The following CSMD1 variants were observed in gnomAD, a reference collection of about 807,000 sequenced individuals.
CSMD1 encodes CUB and Sushi multiple domains 1.
Under a neutral mutation model 417.5 loss-of-function variants are expected in CSMD1, and 213 were observed. That is an observed-to-expected ratio of 0.51 (90% CI 0.46 to 0.57). The LOEUF (loss-of-function observed/expected upper bound fraction) is 0.57. Among genes scored for constraint, CSMD1 ranks in the 20% least tolerant of loss-of-function variants. CSMD1 has a pLI of 0.00. For missense variants in CSMD1, 6,923 were observed against 4,529.7 expected, an observed-to-expected ratio of 1.53 and a Z score of -15.17; for synonymous variants, 2,862 against 1,736.8, an observed-to-expected ratio of 1.65 and a Z score of -16.11.
intron 7 of CSMD1, among the ~76,000 whole-genome samples, chr8:3,671,971 A>G (rs747166106): frequency 4.1e-4 from 62 of 152,246 alleles, no homozygotes; most frequent in Non-Finnish European, 4.7e-4. Flanking sequence ...TTTAGTTTCG[A>G]TATGTTGCAA....
At chr8:3,303,182 G>A (rs1047621616) in intron 25 of CSMD1, among the ~76,000 whole-genome samples, 2 of 152,184 alleles carry the variant, frequency 1.3e-5, no homozygotes, top group African/African-American at 4.8e-5. Context: ...ATACCTTTCT[G>A]TCCTGTCAGG....
Position 4,958,531 on chromosome 8 carries a change from A to G in CSMD1, c.85+35801T>C, listed in dbSNP as rs553221298. Among the ~76,000 whole-genome samples, 16 of 152,288 alleles carry G rather than the reference A, an allele frequency of 1.1e-4. No individual in the cohort carries two copies. The South Asian group carries it at 3.1e-3, about 30-fold the overall frequency. ...CCATAGTTCAGCCAGAAATATTCCCACAGTTAATTTATAAGCTCTTGAAAT... is the reference window on the plus strand; with the variant it reads ...CCATAGTTCAGCCAGAAATATTCCCGCAGTTAATTTATAAGCTCTTGAAAT... On this transcript the variant is annotated intron_variant, in intron 1 of 69. Coordinates refer to ENST00000635120, the MANE Select transcript of CSMD1 (RefSeq NM_033225.6).
intron 5 of CSMD1, among the ~76,000 whole-genome samples, chr8:3,891,563 G>C (rs1370315636): frequency 6.6e-6 from 1 of 152,022 alleles, no homozygotes; most frequent in Non-Finnish European, 1.5e-5. Context: ...TACACCTGTA[G>C]TCTCAACTAG....
At chr8:3,434,223 T>C (rs531532032) in intron 12 of CSMD1, among the ~76,000 whole-genome samples, 61 of 152,338 alleles carry the variant, frequency 4.0e-4, no homozygotes, top group African/African-American at 1.4e-3. Flanking sequence ...CCTTTCAGAA[T>C]ATTACCTCTG....
chr8:4,503,506 A>C (rs1044618128), intron 2 of CSMD1, among the ~76,000 whole-genome samples: 2 of 152,204 alleles, frequency 1.3e-5, no homozygotes, highest in Admixed American at 1.3e-4. Flanking sequence ...TAGAAAATCC[A>C]AGCACTCACA....
chr8:3,439,157 GAA>G (rs1384498414), intron 12 of CSMD1, among the ~76,000 whole-genome samples: 1 of 38,254 alleles, frequency 2.6e-5, no homozygotes, highest in African/African-American at 1.1e-4. Flanking sequence ...AAAAAACCAA[GAA>G]AAAAAAAAGA....
intron 1 of CSMD1, among the ~76,000 whole-genome samples, chr8:4,740,958 C>T (rs1258531075): frequency 2.6e-5 from 4 of 152,122 alleles, no homozygotes; most frequent in Admixed American, 6.5e-5. Flanking sequence ...ATATTAAAAA[C>T]ATAATTATTT....
intron 55 of CSMD1, among the ~76,000 whole-genome samples, chr8:2,976,842 T>C (rs919442902): frequency 6.6e-6 from 1 of 151,936 alleles, no homozygotes; most frequent in African/African-American, 2.4e-5. Context: ...TCAAAGAAAA[T>C]AACACTTTGG....
intron 5 of CSMD1, among the ~76,000 whole-genome samples, chr8:3,977,989 G>C (rs1352885745): frequency 3.3e-5 from 5 of 152,198 alleles, no homozygotes; most frequent in African/African-American, 1.2e-4. Context: ...CTCTTACCAT[G>C]AGAGCATCTC....
intron 5 of CSMD1, among the ~76,000 whole-genome samples, chr8:3,941,311 A>C (rs1223950191): frequency 2.0e-5 from 3 of 152,298 alleles, no homozygotes; most frequent in African/African-American, 7.2e-5. Flanking sequence ...GATTCTCTGG[A>C]AACATCCTAT....
chr8:2,978,490 T>C (rs1391820874), intron 55 of CSMD1, 122 bp downstream of exon 55: 7 of 744,072 alleles, frequency 9.4e-6, no homozygotes, highest in Admixed American at 3.1e-5. Context: ...ACTCCTACAA[T>C]TGGTGATGGG....
chr8:4,758,432 A>G (rs1339775194), intron 1 of CSMD1, among the ~76,000 whole-genome samples: 1 of 152,176 alleles, frequency 6.6e-6, no homozygotes, highest in Non-Finnish European at 1.5e-5. Flanking sequence ...AAAATGGCAT[A>G]AAGGTGACAT....
chr8:2,982,355 C>G (rs1805498827), intron 54 of CSMD1, among the ~76,000 whole-genome samples: 1 of 151,948 alleles, frequency 6.6e-6, no homozygotes, highest in Non-Finnish European at 1.5e-5. Flanking sequence ...GACTCTGTCT[C>G]AAAAAACAAA....
rs1808141371 is a variant in CSMD1, at chr8:3,348,204, AATTACTGTTTTT to A, written c.3305-55_3305-44del. On this transcript the variant is annotated intron_variant, in intron 21 of 69. Coordinates refer to ENST00000635120, the MANE Select transcript of CSMD1 (RefSeq NM_033225.6). Reference sequence around the variant, plus strand: ...TGAGAGAAAGAGGATTCAAAAGTGGAATTACTGTTTTTAACAGATTAAAAACTTTAAAATCAT... The same window carrying A: ...TGAGAGAAAGAGGATTCAAAAGTGGAAACAGATTAAAAACTTTAAAATCAT... The A allele has an allele frequency of 2.0e-6, 3 of 1,525,714 alleles. No homozygotes were observed. The East Asian group carries it at 6.8e-5, about 35-fold the overall frequency. 94.5% of individuals were successfully genotyped at this position (1,525,714 alleles called of 1,614,324 possible). A position where few individuals can be genotyped will look rare whatever the true frequency, so the allele number is the denominator to read the frequency against.
chr8:4,735,735 G>T (rs1349755033), intron 1 of CSMD1, among the ~76,000 whole-genome samples: 1 of 152,072 alleles, frequency 6.6e-6, no homozygotes, highest in Non-Finnish European at 1.5e-5. Flanking sequence ...TCCCTAATAA[G>T]AGAAAAGGAC....
chr8:4,402,733 T>C (rs1046649833), intron 3 of CSMD1, among the ~76,000 whole-genome samples: 4 of 151,806 alleles, frequency 2.6e-5, no homozygotes, highest in African/African-American at 9.7e-5. Flanking sequence ...TCTCACCTCA[T>C]TCAACTACCT....
chr8:3,757,009 T>C (rs1008657386), intron 5 of CSMD1, among the ~76,000 whole-genome samples: 1 of 152,160 alleles, frequency 6.6e-6, no homozygotes, highest in Non-Finnish European at 1.5e-5. Context: ...CACTATGTTG[T>C]CCAGACTGGT....
intron 54 of CSMD1, among the ~76,000 whole-genome samples, chr8:2,985,833 G>C (rs914919610): frequency 6.6e-6 from 1 of 151,836 alleles, no homozygotes; most frequent in African/African-American, 2.4e-5. Flanking sequence ...CAAGGAAACC[G>C]GAAATGTGCT....
intron 23 of CSMD1, among the ~76,000 whole-genome samples, chr8:3,334,725 C>T (rs7843496): frequency 0.43 from 65,665 of 152,100 alleles, 15,105 homozygotes; most frequent in African/African-American, 0.6. Context: ...GGCCATTTTA[C>T]AGAATGGATG....
Sources: allele counts gnomAD v4.1 joint callset (sites outside exome capture counted in the v4.1 genomes callset), GRCh38; gene constraint gnomAD v4.1.1; transcripts MANE v1.5; gene names NCBI Gene and HGNC (gene_info 2026-07-23, HGNC 2026-07-21).